KIF26B: variants seen among roughly 807,000 people sequenced by gnomAD.
The protein encoded by KIF26B is kinesin-like protein KIF26B.
KIF26B carries 63 observed loss-of-function variants against 151.2 expected under a neutral mutation model. The observed-to-expected ratio is 0.42, with a 90% CI of 0.34 to 0.51. The LOEUF (loss-of-function observed/expected upper bound fraction) is 0.51, where lower values mean the gene tolerates loss of function less well. KIF26B is among the 20% of genes least tolerant of loss of function. The pLI is 0.07. For missense variants in KIF26B, 2,813 were observed against 2,913.6 expected, an observed-to-expected ratio of 0.97 and a Z score of 0.79; for synonymous variants, 1,357 against 1,262.1, an observed-to-expected ratio of 1.08 and a Z score of -1.59.
Position 245,687,876 on chromosome 1 carries a change from C to T in KIF26B, c.4893C>T (p.Ala1631=), listed in dbSNP as rs2044554827. The T allele has an allele frequency of 1.0e-5, 16 of 1,592,720 alleles. No homozygotes were observed. Among genetic ancestry groups the T allele is most frequent in the South Asian group, 4.6e-5 (4 of 87,392 alleles). The change falls in exon 12 of 15, where the codon GCC becomes GCT. Residue 1631 remains alanine (A), a synonymous_variant. Coordinates refer to ENST00000407071, the MANE Select transcript of KIF26B (RefSeq NM_018012.4). This position sits in a 1 kb window ranked among gnomAD's most constrained non-coding sequence, Gnocchi z 4.9. ...CCAGCAGCCCCCTGAACCAACCAGC[C>T]GCCTTCCCGGCGGGCCTCCCAGACG... is the stretch of plus-strand genomic sequence containing the variant. The part of the protein sequence containing the change: ...SGTSSPLNQP[A]AFPAGLPDEP...
intron 3 of KIF26B, among the ~76,000 whole-genome samples, chr1:245,396,635 CA>C (rs34135318): frequency 0.26 from 34,668 of 134,740 alleles, 6,158 homozygotes; most frequent in African/African-American, 0.53. Flanking sequence ...AACTCCATCT[CA>C]AAAAAAAAAC....
At chr1:245,651,481 G>A (rs546893435) in intron 10 of KIF26B, among the ~76,000 whole-genome samples, 1 of 152,324 alleles carries the variant, frequency 6.6e-6, no homozygotes, top group Non-Finnish European at 1.5e-5. Context: ...AGAGCCCATG[G>A]AGATTTGGGA....
rs115685606 is a variant in KIF26B, at chr1:245,594,775, C to T, written c.1351-7802C>T. Among the ~76,000 whole-genome samples, 790 of 152,254 alleles carry T rather than the reference C, an allele frequency of 5.2e-3. 9 individuals carry two copies. The highest frequency in any genetic ancestry group is 0.018 in the African/African-American group (761 of 41,546). ...ATTTTGGGCAGTGTGGCCATATTCA[C>T]GATATTGTTTCTTCCTTTCCATAAG... On this transcript the variant is annotated intron_variant, in intron 5 of 14. Coordinates refer to ENST00000407071, the MANE Select transcript of KIF26B (RefSeq NM_018012.4).
chr1:245,440,177 T>C (rs1017741871), intron 4 of KIF26B, among the ~76,000 whole-genome samples: 7 of 150,818 alleles, frequency 4.6e-5, no homozygotes, highest in African/African-American at 7.3e-5. Context: ...GCCGAGATCG[T>C]GCCACTGCAC....
intron 3 of KIF26B, among the ~76,000 whole-genome samples, chr1:245,406,686 A>G (rs1674142547): frequency 6.6e-6 from 1 of 152,170 alleles, no homozygotes; most frequent in South Asian, 2.1e-4. Flanking sequence ...TAACTAATAA[A>G]CAATGCCACT....
chr1:245,519,606 TG>T (rs35801811), intron 4 of KIF26B, among the ~76,000 whole-genome samples: 1 of 151,674 alleles, frequency 6.6e-6, no homozygotes, highest in Middle Eastern at 3.2e-3. Context: ...CACTGAATGA[TG>T]GGGATGTGTT....
At chr1:245,280,424 G>A (rs1466358700) in intron 2 of KIF26B, among the ~76,000 whole-genome samples, 8 of 149,368 alleles carry the variant, frequency 5.4e-5, no homozygotes, top group African/African-American at 1.5e-4. Flanking sequence ...CCAGTTGCTC[G>A]GGAGGCTGAG....
At chr1:245,673,771 G>T (rs1049101193) in intron 10 of KIF26B, 3 of 152,258 alleles carry the variant, frequency 2.0e-5, no homozygotes, top group Non-Finnish European at 4.4e-5. Flanking sequence ...GACACAGGAG[G>T]TTCAGAGACG....
intron 7 of KIF26B, among the ~76,000 whole-genome samples, chr1:245,608,467 G>A (rs933323799): frequency 1.3e-4 from 20 of 152,142 alleles, no homozygotes; most frequent in African/African-American, 2.9e-4. Flanking sequence ...CTGCACTTCC[G>A]TCCTCCCCAG....
rs745602807 is a variant in KIF26B, at chr1:245,687,134, ACATCCC to A, written c.4155_4160del (p.Ile1385_Pro1386del). Reference sequence around the variant, plus strand: ...GCCAATCTGAGCAGCTGCGAGGGGTACATCCCCATGAAGACCAATATCACAGTTTAC... The same window carrying A: ...GCCAATCTGAGCAGCTGCGAGGGGTACATGAAGACCAATATCACAGTTTAC... On this transcript the variant is annotated inframe_deletion, in exon 12 of 15. Transcript: ENST00000407071. This position sits in a 1 kb window ranked among gnomAD's most constrained non-coding sequence, Gnocchi z 4.9. The A allele has an allele frequency of 4.3e-6, 7 of 1,613,394 alleles. No individual in the cohort carries two copies. The highest frequency in any genetic ancestry group is 2.5e-6 in the Non-Finnish European group (3 of 1,179,830).
chr1:245,655,458 CTCATGCAT>C (rs1451684196), intron 10 of KIF26B, among the ~76,000 whole-genome samples: 1 of 152,226 alleles, frequency 6.6e-6, no homozygotes, highest in African/African-American at 2.4e-5. Flanking sequence ...GAAATGAACC[CTCATGCAT>C]TTATTCAATG....
intron 4 of KIF26B, among the ~76,000 whole-genome samples, chr1:245,423,152 G>A (rs1242084281): frequency 6.6e-6 from 1 of 151,828 alleles, no homozygotes; most frequent in African/African-American, 2.4e-5. Flanking sequence ...GCTATGCTGG[G>A]GGCCATTTCG....
chr1:245,613,598 A>G (rs1056456973), intron 9 of KIF26B, among the ~76,000 whole-genome samples: 7 of 152,136 alleles, frequency 4.6e-5, no homozygotes, highest in Non-Finnish European at 7.4e-5. Context: ...GCTCTGTCTC[A>G]GAAAATAAAA....
intron 2 of KIF26B, among the ~76,000 whole-genome samples, chr1:245,225,862 T>C (rs1669863700): frequency 6.6e-6 from 1 of 152,188 alleles, no homozygotes; most frequent in African/African-American, 2.4e-5. Context: ...GTCATGCTGA[T>C]TTATTTGTGA....
At chr1:245,412,131 G>C (rs1674302440) in intron 3 of KIF26B, among the ~76,000 whole-genome samples, 1 of 152,208 alleles carries the variant, frequency 6.6e-6, no homozygotes, top group Non-Finnish European at 1.5e-5. Context: ...CAAATTAGCT[G>C]TGGATGGTCT....
Position 245,610,892 on chromosome 1 carries a change from ATAGT to A in KIF26B, c.1915-897_1915-894del, listed in dbSNP as rs766691759. Among the ~76,000 whole-genome samples the A allele has an allele frequency of 5.3e-5, 8 of 152,216 alleles. No homozygotes were observed. The South Asian group carries it at 8.3e-4, about 16-fold the overall frequency. The stretch of plus-strand genomic sequence containing the variant: ...GCTCTTACAGTTCAAAATTATTTGT[ATAGT>A]TAGAGTAGAAAATTGTCAGAATTTG... On this transcript the variant is annotated intron_variant, in intron 8 of 14. Coordinates refer to ENST00000407071, the MANE Select transcript of KIF26B (RefSeq NM_018012.4).
intron 4 of KIF26B, among the ~76,000 whole-genome samples, chr1:245,486,222 G>A (rs745614582): frequency 7.0e-4 from 107 of 152,212 alleles, no homozygotes; most frequent in Non-Finnish European, 1.2e-3. Context: ...AACTGCTTCA[G>A]TAAGCATTTT....
intron 5 of KIF26B, among the ~76,000 whole-genome samples, chr1:245,553,910 C>T (rs888224185): frequency 1.2e-4 from 19 of 152,144 alleles, no homozygotes; most frequent in African/African-American, 2.4e-4. Flanking sequence ...GAGTATTTAT[C>T]GAGCCATGGT....
intron 2 of KIF26B, among the ~76,000 whole-genome samples, chr1:245,294,360 C>T (rs887222437): frequency 2.0e-5 from 3 of 152,156 alleles, no homozygotes; most frequent in Non-Finnish European, 2.9e-5. Flanking sequence ...AATCCTTCCA[C>T]GGTTCCTCTG....
Sources: allele counts gnomAD v4.1 joint callset (sites outside exome capture counted in the v4.1 genomes callset), GRCh38; gene constraint gnomAD v4.1.1; non-coding constraint Gnocchi (gnomAD v3.1); transcripts MANE v1.5; gene names NCBI Gene and HGNC (gene_info 2026-07-23, HGNC 2026-07-21).